Variants in ITGAE observed in about 807,000 individuals in gnomAD.
The protein encoded by ITGAE is integrin subunit alpha E.
Under a neutral mutation model 136.5 loss-of-function variants are expected in ITGAE, and 99 were observed. That is an observed-to-expected ratio of 0.73 (90% confidence interval 0.62 to 0.86). ITGAE has a LOEUF of 0.86. Among genes scored for constraint, ITGAE ranks in the 40% least tolerant of loss-of-function variants. The pLI is 0.00. For synonymous variants in ITGAE, 613 were observed against 591.8 expected (o/e 1.04, Z -0.52); for missense variants, 1,447 against 1,515.3 (o/e 0.95, Z 0.75).
At chr17:3,737,462 C>T (rs1597316357) in intron 20 of ITGAE, among the ~76,000 whole-genome samples, 3 of 144,322 alleles carry the variant, frequency 2.1e-5, no homozygotes, top group Middle Eastern at 3.6e-3. Context: ...TGAGTGGTGC[C>T]GGTGGCTGAG....
intron 30 of ITGAE, among the ~76,000 whole-genome samples, chr17:3,716,213 G>A (rs1297627887): frequency 4.6e-5 from 5 of 109,794 alleles, no homozygotes; most frequent in African/African-American, 2.0e-4. Flanking sequence ...GGGCAGAGAC[G>A]GGTAGCGGAC....
intron 18 of ITGAE, among the ~76,000 whole-genome samples, chr17:3,744,158 T>C (rs2051657620): frequency 1.3e-5 from 2 of 151,668 alleles, no homozygotes; most frequent in African/African-American, 4.8e-5. Flanking sequence ...TTTCCAAATA[T>C]GAGCCACCGC....
intron 3 of ITGAE, 92 bp downstream of exon 3, chr17:3,763,777 G>T: frequency 1.0e-6 from 1 of 1,003,244 alleles, no homozygotes; most frequent in Non-Finnish European, 1.6e-6. Context: ...GATGAGGCAG[G>T]GCTGGGGTTG....
intron 24 of ITGAE, 36 bp from the exon 25 acceptor site, chr17:3,728,204 G>A (rs2051259429): frequency 2.0e-6 from 3 of 1,529,218 alleles, no homozygotes; most frequent in African/African-American, 1.4e-5. Flanking sequence ...CCCTTGAGGA[G>A]TCTTTCTCCC....
intron 28 of ITGAE, 83 bp downstream of exon 28, chr17:3,723,205 T>A (rs890557426): frequency 3.1e-5 from 30 of 959,234 alleles, no homozygotes; most frequent in Non-Finnish European, 4.9e-5. Flanking sequence ...GGACATGTTA[T>A]GCAAAGATGC....
rs56868367 is a variant in ITGAE at position 3,776,501 on chromosome 17, C to T, written c.155+1039G>A. Among the ~76,000 whole-genome samples the T allele has an allele frequency of 3.7e-3, 568 of 152,332 alleles. 1 individual carries two copies. The highest frequency in any genetic ancestry group is 0.013 in the African/African-American group (530 of 41,582). On this transcript the variant is annotated intron_variant, in intron 2 of 30. Transcript: ENST00000263087. Reference sequence around the variant, plus strand: ...CCTTGCTCAGGCTATGCGGCAAATCCACGGTGAAGCTGCCACTGAACCCTG... The same window carrying T: ...CCTTGCTCAGGCTATGCGGCAAATCTACGGTGAAGCTGCCACTGAACCCTG...
Position 3,755,467 on chromosome 17 carries a change from C to T in ITGAE, c.1240-206G>A, listed in dbSNP as rs181727686. ...GCCTCGTGCCCTTGCACTCCCTCCTCCGGGAGAAGCAAGCAGCTTGGTTGA... is the reference window on the plus strand; with the variant it reads ...GCCTCGTGCCCTTGCACTCCCTCCTTCGGGAGAAGCAAGCAGCTTGGTTGA... On this transcript the variant is annotated intron_variant, in intron 11 of 30. Transcript: ENST00000263087. Among the ~76,000 whole-genome samples, 710 of 152,338 alleles carry T rather than the reference C, an allele frequency of 4.7e-3. 16 individuals are homozygous for T. The highest frequency in any genetic ancestry group is 0.016 in the African/African-American group (658 of 41,578).
chr17:3,719,566 T>C (rs576687486), intron 29 of ITGAE, among the ~76,000 whole-genome samples: 1 of 152,290 alleles, frequency 6.6e-6, no homozygotes, highest in South Asian at 2.1e-4. Context: ...AGTCATACTT[T>C]TGCAAAAAGA....
intron 21 of ITGAE, among the ~76,000 whole-genome samples, chr17:3,733,186 T>C (rs1567518817): frequency 6.6e-6 from 1 of 152,018 alleles, no homozygotes; most frequent in Non-Finnish European, 1.5e-5. Flanking sequence ...GGTTTCACCA[T>C]GTTAGCCAGG....
At chr17:3,760,046 T>A in intron 7 of ITGAE, 126 bp downstream of exon 7, 2 of 651,580 alleles carry the variant, frequency 3.1e-6, no homozygotes. Context: ...GACAGAAGAA[T>A]CATCCAGCTG....
chr17:3,788,764 A>AGTT (rs2052863130), intron 1 of ITGAE, among the ~76,000 whole-genome samples: 1 of 146,224 alleles, frequency 6.8e-6, no homozygotes, highest in South Asian at 2.1e-4. Context: ...TAAAAATAAT[A>AGTT]ATTATTAAAA....
chr17:3,789,446 C>T (rs957527708), intron 1 of ITGAE, among the ~76,000 whole-genome samples: 8 of 151,426 alleles, frequency 5.3e-5, no homozygotes, highest in Non-Finnish European at 7.4e-5. Context: ...TTCCTTCCTT[C>T]CTTCCTCCCC....
In ITGAE at chr17:3,763,934, T is replaced by C; in HGVS notation, c.182A>G (p.Lys61Arg). 1 of 1,613,624 alleles carries C rather than the reference T, an allele frequency of 6.2e-7. No individual in the cohort carries two copies. The highest frequency in any genetic ancestry group is 1.3e-5 in the African/African-American group (1 of 74,990). The part of the protein sequence containing the change: ...TWLLVTSPRT[K>R]RTPGPLHRCS... ...TCGATGGAGGGGCCCTGGTGTCCTC[T>C]TGGTTCTGGGGCTGGTGACCAGGAG... Residue 61 changes from lysine to arginine, a missense_variant, in exon 3 of 31, where the codon AAG (lysine) becomes AGG (arginine). This residue lies in a region of ITGAE where 106 missense variants were observed against 87.8 expected (regional missense o/e 1.21). Transcript: ENST00000263087.
At chr17:3,777,053 C>T (rs996307908) in intron 2 of ITGAE, among the ~76,000 whole-genome samples, 2 of 151,756 alleles carry the variant, frequency 1.3e-5, no homozygotes, top group African/African-American at 2.4e-5. Flanking sequence ...CTCCGCCTCC[C>T]GGGTTCACGC....
At chr17:3,801,080 G>GC (rs1450156134) in intron 1 of ITGAE, 31 bp downstream of exon 1, 1 of 1,611,728 alleles carries the variant, frequency 6.2e-7, no homozygotes, top group Non-Finnish European at 8.5e-7. Context: ...GGGCACAGCA[G>GC]CCCCTCGAAG....
intron 2 of ITGAE, among the ~76,000 whole-genome samples, chr17:3,773,962 A>T (rs1186999872): frequency 6.6e-6 from 1 of 152,220 alleles, no homozygotes; most frequent in Non-Finnish European, 1.5e-5. Flanking sequence ...ATATATTTTT[A>T]TTTGTTATAT....
At chr17:3,755,547 G>C (rs2051999204) in intron 11 of ITGAE, among the ~76,000 whole-genome samples, 3 of 152,220 alleles carry the variant, frequency 2.0e-5, no homozygotes. Flanking sequence ...GGAACAACTG[G>C]ATGTTTGAGC....
rs144999216 is a variant in ITGAE, at chr17:3,756,837, C to G, written c.1171+147G>C. 551 of 846,178 alleles carry G rather than the reference C, an allele frequency of 6.5e-4. 5 individuals are homozygous for G. The East Asian group carries it at 0.014, about 21-fold the overall frequency. 52.4% of individuals were successfully genotyped at this position (846,178 alleles called of 1,614,324 possible). A position where few individuals can be genotyped will look rare whatever the true frequency, so the allele number is the denominator to read the frequency against. The stretch of plus-strand genomic sequence containing the variant: ...GGATAACAGGCATGAGCCACCACAC[C>G]CGGCCATTGCCTTTTTAGACATGGA... On this transcript the variant is annotated intron_variant, in intron 10 of 30. Coordinates refer to ENST00000263087, the MANE Select transcript of ITGAE (RefSeq NM_002208.5).
chr17:3,727,746 T>C (rs933071317), intron 26 of ITGAE, among the ~76,000 whole-genome samples, 173 bp downstream of exon 26: 1 of 152,120 alleles, frequency 6.6e-6, no homozygotes, highest in East Asian at 1.9e-4. Context: ...ACAGGTTGCT[T>C]TAAGAGCTGA....
Sources: gnomAD v4.1 joint callset for allele counts (sites outside exome capture counted in the v4.1 genomes callset) on GRCh38, gnomAD v4.1.1 for gene constraint, gnomAD v4.1.1 regional missense constraint, MANE v1.5 for transcripts, NCBI Gene and HGNC (gene_info 2026-07-23, HGNC 2026-07-21) for gene names.